ROBO2: variants seen among roughly 807,000 people sequenced by gnomAD.
The protein encoded by ROBO2 is roundabout guidance receptor 2.
Under a neutral mutation model 160.8 loss-of-function variants are expected in ROBO2, and 53 were observed. The observed-to-expected ratio is 0.33, with a 90% confidence interval of 0.26 to 0.41. The LOEUF (loss-of-function observed/expected upper bound fraction) is 0.41. Among genes scored for constraint, ROBO2 ranks in the 10% least tolerant of loss-of-function variants. The pLI, the probability that ROBO2 is intolerant of heterozygous loss-of-function variation, is 1.00. For synonymous variants in ROBO2, 664 were observed against 611.7 expected (o/e 1.09, Z -1.26); for missense variants, 1,577 against 1,722.4 (o/e 0.92, Z 1.49).
At chr3:76,408,636 T>C (rs1324547486) in intron 2 of ROBO2, among the ~76,000 whole-genome samples, 1 of 152,090 alleles carries the variant, frequency 6.6e-6, no homozygotes, top group African/African-American at 2.4e-5. Context: ...ACAAATATTA[T>C]AGAAGATGTA....
At chr3:77,381,192 G>A (rs2073415112) in intron 2 of ROBO2, among the ~76,000 whole-genome samples, 2 of 152,192 alleles carry the variant, frequency 1.3e-5, no homozygotes, top group Non-Finnish European at 2.9e-5. Context: ...GCACCTGCCT[G>A]TTGTCCCAGC....
intron 21 of ROBO2, among the ~76,000 whole-genome samples, chr3:77,611,183 A>G (rs1237996004): frequency 6.6e-6 from 1 of 151,958 alleles, no homozygotes; most frequent in Non-Finnish European, 1.5e-5. Context: ...CTGTAGTCCC[A>G]GCTACTTGGG....
chr3:77,021,394 T>C (rs1251079456), intron 2 of ROBO2, among the ~76,000 whole-genome samples: 3 of 152,116 alleles, frequency 2.0e-5, no homozygotes, highest in Non-Finnish European at 2.9e-5. Flanking sequence ...TCCAAAGTCA[T>C]AGAAACTAGA....
At chr3:76,434,083 C>G (rs1201629465) in intron 2 of ROBO2, 54 of 1,295,964 alleles carry the variant, frequency 4.2e-5, no homozygotes, top group Non-Finnish European at 5.9e-5. Flanking sequence ...AGGCAGTATC[C>G]CATACCTCTG....
chr3:76,434,421 G>T (rs2076575241), intron 2 of ROBO2: 1 of 1,568,774 alleles, frequency 6.4e-7, no homozygotes, highest in Admixed American at 1.7e-5. Context: ...CAGGCCCTGG[G>T]CTGGGTGGCT....
intron 2 of ROBO2, among the ~76,000 whole-genome samples, chr3:77,105,456 G>A (rs1225652270): frequency 1.2e-4 from 19 of 152,070 alleles, no homozygotes; most frequent in African/African-American, 3.4e-4. Context: ...GCTGAAAAAC[G>A]CTCCCTAGCT....
At chr3:76,267,630 C>T (rs989876321) in intron 2 of ROBO2, among the ~76,000 whole-genome samples, 5 of 152,064 alleles carry the variant, frequency 3.3e-5, no homozygotes, top group Non-Finnish European at 5.9e-5. Context: ...GAAATTATAG[C>T]AAGTGATAAG....
chr3:77,523,008 A>G (rs1203458150), intron 6 of ROBO2, 106 bp downstream of exon 6: 15 of 1,352,134 alleles, frequency 1.1e-5, no homozygotes, highest in Non-Finnish European at 1.5e-5. Flanking sequence ...GTTTTGTTGT[A>G]CTAAAATGCC....
At chr3:76,503,032 ATG>A (rs202178159) in intron 2 of ROBO2, among the ~76,000 whole-genome samples, 1,899 of 151,434 alleles carry the variant, frequency 0.013, 33 homozygotes, top group African/African-American at 0.036. Flanking sequence ...GCGCGCACGC[ATG>A]TGTGTGTGCA....
At chr3:76,980,251 A>G (rs1471054593) in intron 2 of ROBO2, among the ~76,000 whole-genome samples, 1 of 152,156 alleles carries the variant, frequency 6.6e-6, no homozygotes, top group East Asian at 1.9e-4. Context: ...TGGCGGTTAA[A>G]CCACAATGGG....
chr3:77,004,044 T>C lies in ROBO2; in HGVS notation c.110-93970T>C, dbSNP rs1467214487. ...ATGTATGCTCACTTCTTTGATTTTG[T>C]TTCAGGTGATAAATCATCAGTTTTT... On this transcript the variant is annotated intron_variant, in intron 2 of 26. Transcript: ENST00000487694. Among the ~76,000 whole-genome samples the C allele has an allele frequency of 3.3e-5, 5 of 152,162 alleles. No homozygotes were observed. The East Asian group carries it at 9.6e-4, about 29-fold the overall frequency.
intron 2 of ROBO2, among the ~76,000 whole-genome samples, chr3:76,186,483 G>A (rs1701769898): frequency 6.7e-6 from 1 of 150,000 alleles, no homozygotes; most frequent in Non-Finnish European, 1.5e-5. Context: ...TCACCAAAAT[G>A]TCTTCCTTTC....
chr3:76,855,627 T>C (rs570251026), intron 2 of ROBO2, among the ~76,000 whole-genome samples: 9 of 152,350 alleles, frequency 5.9e-5, no homozygotes, highest in Non-Finnish European at 1.0e-4. Context: ...TTTTTCCTTC[T>C]AACAGCAGGT....
intron 2 of ROBO2, among the ~76,000 whole-genome samples, chr3:76,389,199 C>T (rs899475984): frequency 6.6e-6 from 1 of 152,152 alleles, no homozygotes; most frequent in African/African-American, 2.4e-5. Flanking sequence ...GAAATATAAG[C>T]AGTAAAAACT....
chr3:76,904,447 T>C (rs1346939229), intron 2 of ROBO2, among the ~76,000 whole-genome samples: 2 of 152,166 alleles, frequency 1.3e-5, no homozygotes, highest in Non-Finnish European at 2.9e-5. Flanking sequence ...AATTGAAGTA[T>C]TTTACTTTCA....
At position 77,576,151 on chromosome 3, in the gene ROBO2, C is replaced by T. The variant is rs372651448; in HGVS notation, c.2204-1339C>T. Reference sequence around the variant, plus strand: ...CATTCTACTTAATAACTACAAGGCTCGTAGACAAGTGGTTGGATTTATTCA... The same window carrying T: ...CATTCTACTTAATAACTACAAGGCTTGTAGACAAGTGGTTGGATTTATTCA... On this transcript the variant is annotated intron_variant, in intron 14 of 25. Transcript: ENST00000461745. 1.2e-4 allele frequency among the ~76,000 whole-genome samples: 19 copies of T among 152,102 alleles called. 1 individual carries two copies. In the East Asian group the frequency reaches 2.9e-3, roughly 23 times the overall value.
intron 2 of ROBO2, among the ~76,000 whole-genome samples, chr3:76,157,021 T>G (rs935346530): frequency 1.3e-5 from 2 of 152,062 alleles, no homozygotes. Flanking sequence ...AATTAAAGTA[T>G]GTGTGTGGAT....
At chr3:77,040,695 G>C in exon 1 of ROBO2, 1 of 1,607,534 alleles carries the variant, frequency 6.2e-7, no homozygotes. Flanking sequence ...TCTAAACTTT[G>C]GACCTACCTC....
At chr3:76,112,764 T>C (rs2070292826) in intron 2 of ROBO2, among the ~76,000 whole-genome samples, 1 of 152,080 alleles carries the variant, frequency 6.6e-6, no homozygotes, top group Admixed American at 6.6e-5. Context: ...TGAGATTTTA[T>C]AATTTTTGCA....
Sources: allele counts gnomAD v4.1 joint callset (sites outside exome capture counted in the v4.1 genomes callset), GRCh38; gene constraint gnomAD v4.1.1; transcripts MANE v1.5; gene names NCBI Gene and HGNC (gene_info 2026-07-23, HGNC 2026-07-21).